Variants in KIF6 observed in about 807,000 individuals in gnomAD.
The protein encoded by KIF6 is kinesin-like protein KIF6.
In KIF6, 106 loss-of-function variants were observed where a neutral mutation model predicts 112.7. That is an observed-to-expected ratio of 0.94 (90% CI 0.80 to 1.11). The LOEUF (loss-of-function observed/expected upper bound fraction) is 1.11, where lower values mean the gene tolerates loss of function less well. KIF6 is among the 50% of genes least tolerant of loss of function. The pLI is 0.00. For missense variants in KIF6, 929 were observed against 964.0 expected (o/e 0.96, Z 0.48); for synonymous variants, 339 against 339.9 (o/e 1.00, Z 0.03).
intron 16 of KIF6, among the ~76,000 whole-genome samples, chr6:39,382,040 T>C (rs756635809): frequency 6.6e-6 from 1 of 152,224 alleles, no homozygotes; most frequent in Non-Finnish European, 1.5e-5. Flanking sequence ...GGGTGGGGAC[T>C]GGGCAGCAGA....
chr6:39,536,346 T>G lies in KIF6; in HGVS notation c.1645+3657A>C, dbSNP rs528840313. Among the ~76,000 whole-genome samples the G allele has an allele frequency of 8.1e-3, 1,232 of 151,178 alleles. 17 individuals carry two copies. Among genetic ancestry groups the G allele is most frequent in the African/African-American group, 0.027 (1,122 of 41,182 alleles). On this transcript the variant is annotated intron_variant, in intron 13 of 22. Transcript: ENST00000287152. ...GACTAATAAAGAAAAAAAGAGAGAA[T>G]AATCAAATAGATGCAATAAAAAATG... is the stretch of plus-strand genomic sequence containing the variant.
chr6:39,388,079 T>C (rs1767573621), intron 15 of KIF6, among the ~76,000 whole-genome samples: 1 of 152,140 alleles, frequency 6.6e-6, no homozygotes, highest in African/African-American at 2.4e-5. Context: ...TGGTTTGCAC[T>C]GCTTCCTGGA....
intron 3 of KIF6, among the ~76,000 whole-genome samples, chr6:39,684,226 G>GT (rs1364432869): frequency 1.3e-5 from 2 of 152,186 alleles, no homozygotes; most frequent in Non-Finnish European, 2.9e-5. Flanking sequence ...AGTAGGCCGG[G>GT]TGCAGGGGCT....
Position 39,584,899 on chromosome 6 carries a change from A to G in KIF6, c.1076T>C (p.Leu359Ser). 1 of 1,586,344 alleles carries G rather than the reference A, an allele frequency of 6.3e-7. No homozygotes were observed. Among genetic ancestry groups the G allele is most frequent in the Non-Finnish European group, 8.6e-7 (1 of 1,156,640 alleles). The change falls in exon 9 of 23, where the codon TTA (leucine) becomes TCA (serine). Residue 359 changes from leucine to serine, a missense_variant and splice_region_variant. Around this residue, in one of 2 missense-constraint regions of KIF6, gnomAD observed 688 missense variants for 662.7 expected, o/e 1.04. Transcript: ENST00000287152. ...AAAATATCGTTAAAAGTTGCTTACTAATCTGGGGTTAATTTCTTCATTAAG... is the reference window on the plus strand; with the variant it reads ...AAAATATCGTTAAAAGTTGCTTACTGATCTGGGGTTAATTTCTTCATTAAG... ...AVLNEEINPR[L>S]VIKRLQKEIQ...
chr6:39,551,259 A>G (rs1442286928), intron 10 of KIF6, among the ~76,000 whole-genome samples: 1 of 152,248 alleles, frequency 6.6e-6, no homozygotes, highest in Non-Finnish European at 1.5e-5. Context: ...CAAATATCAC[A>G]TGTTGTCACT....
Position 39,360,493 on chromosome 6 carries a change from C to T in KIF6, c.1984G>A (p.Val662Met). Residue 662 changes from valine to methionine, a missense_variant, in exon 18 of 23, where the codon GTG (valine) becomes ATG (methionine). Transcript: ENST00000287152. The part of the protein sequence containing the change: ...TMFTRLKALK[V>M]EIEHLQLLMD... ...AGCAGCTGCAAGTGCTCGATCTCCA[C>T]CTTCAGGGCTTTCAGGCGAGTGAAC... The T allele has an allele frequency of 6.2e-7, 1 of 1,614,254 alleles. No individual in the cohort carries two copies. The highest frequency in any genetic ancestry group is 8.5e-7 in the Non-Finnish European group (1 of 1,180,044).
intron 10 of KIF6, among the ~76,000 whole-genome samples, chr6:39,548,691 A>G (rs1779195302): frequency 1.3e-5 from 2 of 152,090 alleles, no homozygotes; most frequent in East Asian, 3.9e-4. Flanking sequence ...AATTCCCCAC[A>G]TTTTCCTATC....
intron 13 of KIF6, among the ~76,000 whole-genome samples, chr6:39,462,126 G>A (rs764584920): frequency 2.6e-5 from 4 of 152,156 alleles, no homozygotes; most frequent in African/African-American, 4.8e-5. Flanking sequence ...ATGTTTCCAG[G>A]CTCCTTTGAA....
intron 13 of KIF6, among the ~76,000 whole-genome samples, chr6:39,514,803 T>C (rs1308625215): frequency 6.6e-6 from 1 of 152,230 alleles, no homozygotes; most frequent in Non-Finnish European, 1.5e-5. Flanking sequence ...TCTCTACTAT[T>C]TGGTTTAAGT....
intron 3 of KIF6, among the ~76,000 whole-genome samples, chr6:39,650,909 G>A (rs1398674342): frequency 2.0e-5 from 3 of 151,930 alleles, no homozygotes; most frequent in East Asian, 1.9e-4. Context: ...TGAGAAGCCT[G>A]GTACTGTGTG....
chr6:39,675,792 C>T (rs1787101085), intron 3 of KIF6, among the ~76,000 whole-genome samples: 1 of 151,254 alleles, frequency 6.6e-6, no homozygotes, highest in East Asian at 1.9e-4. Flanking sequence ...AAAAAATGAC[C>T]AAGTAGAACT....
rs142325164 is a variant in KIF6 at position 39,419,948 on chromosome 6, C to T, written c.1810G>A (p.Gly604Ser). The change falls in exon 15 of 23, where the codon GGT becomes AGT. Residue 604 changes from glycine to serine, a missense_variant and splice_region_variant. Gly to Ser is a moderately conservative substitution (Grantham distance 56). Coordinates refer to ENST00000287152, the MANE Select transcript of KIF6 (RefSeq NM_145027.6). ...ESINEARSKIGHLKEEITQRH... is the reference protein window; with the variant it reads ...ESINEARSKISHLKEEITQRH... ...GGCTCACAGAATATCATCTGCTTAC[C>T]AATTTTACTTCTTGCTTCATTTATA... 6.2e-7 allele frequency: 1 copy of T among 1,612,024 alleles called. No homozygotes were observed. The highest frequency in any genetic ancestry group is 8.5e-7 in the Non-Finnish European group (1 of 1,178,090).
At chr6:39,559,322 G>GCCTC (rs1383921821) in intron 10 of KIF6, among the ~76,000 whole-genome samples, 1 of 152,042 alleles carries the variant, frequency 6.6e-6, no homozygotes, top group Non-Finnish European at 1.5e-5. Context: ...AATTACTTGG[G>GCCTC]CCTCCCCTCT....
At chr6:39,669,104 C>A (rs551006179) in intron 3 of KIF6, among the ~76,000 whole-genome samples, 3 of 152,174 alleles carry the variant, frequency 2.0e-5, no homozygotes, top group Admixed American at 6.5e-5. Flanking sequence ...CTAAAGTGTT[C>A]GCTTAGATAT....
intron 13 of KIF6, among the ~76,000 whole-genome samples, chr6:39,521,950 C>T (rs1290599606): frequency 3.3e-5 from 5 of 152,172 alleles, no homozygotes; most frequent in African/African-American, 9.7e-5. Flanking sequence ...TCTCTGCTTC[C>T]TTGCCCCACC....
At chr6:39,599,590 T>C (rs888254965) in intron 6 of KIF6, among the ~76,000 whole-genome samples, 2 of 152,204 alleles carry the variant, frequency 1.3e-5, no homozygotes, top group Non-Finnish European at 2.9e-5. Flanking sequence ...AGCAAATAAC[T>C]GTGCATGTAA....
intron 3 of KIF6, among the ~76,000 whole-genome samples, chr6:39,672,972 A>C (rs12202502): frequency 0.023 from 3,555 of 152,314 alleles, 48 homozygotes; most frequent in Non-Finnish European, 0.036. Context: ...GGAAGTTTAA[A>C]GTGCCAGCTC....
chr6:39,497,019 C>T (rs553712460), intron 13 of KIF6, among the ~76,000 whole-genome samples: 8 of 152,364 alleles, frequency 5.3e-5, no homozygotes, highest in South Asian at 2.1e-4. Context: ...GTGCCTTGCC[C>T]GCCTTTGCAG....
chr6:39,618,374 C>T (rs573006064), intron 5 of KIF6, among the ~76,000 whole-genome samples: 274 of 152,272 alleles, frequency 1.8e-3, no homozygotes, highest in Non-Finnish European at 3.4e-3. Flanking sequence ...TCCTAAGCCC[C>T]TCATCCAACT....
Sources: gnomAD v4.1 joint callset for allele counts (sites outside exome capture counted in the v4.1 genomes callset) on GRCh38, gnomAD v4.1.1 for gene constraint, gnomAD v4.1.1 regional missense constraint, MANE v1.5 for transcripts, NCBI Gene and HGNC (gene_info 2026-07-23, HGNC 2026-07-21) for gene names.